The following ZBTB20 variants were observed in gnomAD, a reference collection of about 807,000 sequenced individuals.
ZBTB20 encodes the protein zinc finger and BTB domain-containing protein 20.
A neutral mutation model predicts 56.9 loss-of-function variants in ZBTB20; 9 were observed. The ratio of observed to expected loss-of-function variants is 0.16; its 90% CI spans 0.10 to 0.28. The LOEUF is 0.28. Among genes scored for constraint, ZBTB20 ranks in the 10% least tolerant of loss-of-function variants. The probability of loss-of-function intolerance (pLI) is 1.00; values close to 1 mark genes in which losing one functional copy is unlikely to be tolerated. For synonymous variants in ZBTB20, 417 were observed against 420.7 expected, an observed-to-expected ratio of 0.99 and a Z score of 0.11; for missense variants, 655 against 1,003.0, an observed-to-expected ratio of 0.65 and a Z score of 4.69.
chr3:114,823,399 T>C (rs2073357608), intron 4 of ZBTB20, among the ~76,000 whole-genome samples: 1 of 152,094 alleles, frequency 6.6e-6, no homozygotes, highest in Non-Finnish European at 1.5e-5. Context: ...GGGCATAATA[T>C]GAGCCAGGGA....
At chr3:114,656,890 A>G (rs1399189199) in intron 6 of ZBTB20, among the ~76,000 whole-genome samples, 1 of 152,136 alleles carries the variant, frequency 6.6e-6, no homozygotes, top group Non-Finnish European at 1.5e-5. Context: ...TGGGATTATA[A>G]GCATACGCCA....
intron 2 of ZBTB20, among the ~76,000 whole-genome samples, chr3:115,024,255 CTA>C (rs1210342975): frequency 6.6e-6 from 1 of 150,936 alleles, no homozygotes; most frequent in Non-Finnish European, 1.5e-5. Context: ...TGAATCCTAA[CTA>C]TTTTCCAGGA....
intron 6 of ZBTB20, among the ~76,000 whole-genome samples, chr3:114,637,032 TG>T (rs2059316773): frequency 1.3e-5 from 2 of 151,946 alleles, no homozygotes; most frequent in Admixed American, 1.3e-4. Flanking sequence ...CTAGTAAGAG[TG>T]GCTATTCTTA....
chr3:114,679,709 T>C (rs2061851606), intron 6 of ZBTB20, among the ~76,000 whole-genome samples: 1 of 152,148 alleles, frequency 6.6e-6, no homozygotes, highest in Non-Finnish European at 1.5e-5. Flanking sequence ...AGTTCAATGA[T>C]TGTGGAAGAT....
At chr3:114,632,263 C>T (rs2058999634) in intron 6 of ZBTB20, among the ~76,000 whole-genome samples, 1 of 152,144 alleles carries the variant, frequency 6.6e-6, no homozygotes, top group Non-Finnish European at 1.5e-5. Flanking sequence ...AGGTGGTTAT[C>T]CTTATGATTT....
chr3:114,434,971 T>C (rs993727211), intron 7 of ZBTB20, among the ~76,000 whole-genome samples: 1 of 152,142 alleles, frequency 6.6e-6, no homozygotes. Context: ...ATATGATCCA[T>C]TGTCTCACCA....
chr3:114,760,038 A>C (rs1707096155), intron 5 of ZBTB20, among the ~76,000 whole-genome samples: 1 of 152,198 alleles, frequency 6.6e-6, no homozygotes, highest in South Asian at 2.1e-4. Context: ...TCAAAGATTA[A>C]AAAATTTCCC....
chr3:114,839,502 A>G (rs557521825), intron 4 of ZBTB20, among the ~76,000 whole-genome samples: 2 of 152,278 alleles, frequency 1.3e-5, no homozygotes, highest in Non-Finnish European at 2.9e-5. Flanking sequence ...AGGGAGAGAG[A>G]AAGAAAGGAA....
At chr3:114,692,259 G>A (rs2062741531) in intron 6 of ZBTB20, among the ~76,000 whole-genome samples, 1 of 152,064 alleles carries the variant, frequency 6.6e-6, no homozygotes, top group Non-Finnish European at 1.5e-5. Flanking sequence ...TTCTTTTGGG[G>A]TAGCATAGCA....
At chr3:114,645,283 G>T (rs16823071) in intron 6 of ZBTB20, among the ~76,000 whole-genome samples, 2,543 of 152,094 alleles carry the variant, frequency 0.017, 65 homozygotes, top group African/African-American at 0.057. Flanking sequence ...ACTACCAACT[G>T]TTCTCAAACC....
intron 1 of ZBTB20, among the ~76,000 whole-genome samples, chr3:115,124,282 A>G (rs1025706479): frequency 3.3e-5 from 5 of 152,198 alleles, no homozygotes; most frequent in African/African-American, 1.2e-4. Context: ...TAGTATTCCA[A>G]TTGAATTAGT....
rs556536731 is a variant in ZBTB20, at chr3:114,575,597, A to T, written c.-294-75206T>A. ...AAGAACTACCTTTAAAAAATAAAAAAAAAAAAAATAGGAACTACTTCAAAA... is the reference window on the plus strand; with the variant it reads ...AAGAACTACCTTTAAAAAATAAAAATAAAAAAAATAGGAACTACTTCAAAA... On this transcript the variant is annotated intron_variant, in intron 6 of 11. Transcript: ENST00000675478. Among the ~76,000 whole-genome samples, 26 of 152,230 alleles carry T rather than the reference A, an allele frequency of 1.7e-4. No individual in the cohort carries two copies. In the South Asian group the frequency reaches 2.3e-3, roughly 13 times the overall value.
At chr3:114,656,603 T>C (rs2060418090) in intron 6 of ZBTB20, among the ~76,000 whole-genome samples, 1 of 152,180 alleles carries the variant, frequency 6.6e-6, no homozygotes, top group Non-Finnish European at 1.5e-5. Flanking sequence ...GACACTTTCT[T>C]CTGCCATCTA....
Position 114,963,922 on chromosome 3 carries a change from G to A in ZBTB20, c.-456+10444C>T, listed in dbSNP as rs77635834. 6.9e-4 allele frequency among the ~76,000 whole-genome samples: 105 copies of A among 152,202 alleles called. No individual in the cohort carries two copies. The East Asian group carries it at 0.017, about 25-fold the overall frequency. On this transcript the variant is annotated intron_variant, in intron 3 of 11. Transcript: ENST00000675478. ...GAAATTTAGTAAACAAATTTTTAAAGAACCCCTTTTTCCTATATTTTTGTT... is the reference window on the plus strand; with the variant it reads ...GAAATTTAGTAAACAAATTTTTAAAAAACCCCTTTTTCCTATATTTTTGTT...
Position 114,351,391 on chromosome 3 carries a change from C to A in ZBTB20, c.687G>T (p.Ser229=). ...GCTGTGGGTGGCTCTGCAGGTAGCC[C>A]GACTCCGTGTCGCTGCTCTGGCCTG... ...GTSGQSSDTE[S]GYLQSHPQHS... The change falls in exon 11 of 12, where the codon TCG becomes TCT. Residue 229 remains serine, a synonymous_variant. Coordinates refer to ENST00000675478, the MANE Select transcript of ZBTB20 (RefSeq NM_001348800.3). 1 of 1,612,064 alleles carries A rather than the reference C, an allele frequency of 6.2e-7. No individual in the cohort carries two copies. Among genetic ancestry groups the A allele is most frequent in the Non-Finnish European group, 8.5e-7 (1 of 1,179,854 alleles).
At chr3:114,534,754 A>G (rs1038340085) in intron 6 of ZBTB20, among the ~76,000 whole-genome samples, 1 of 152,218 alleles carries the variant, frequency 6.6e-6, no homozygotes, top group African/African-American at 2.4e-5. Context: ...ATCACTCCTC[A>G]GCAAATGTAA....
intron 4 of ZBTB20, among the ~76,000 whole-genome samples, chr3:114,811,159 C>T (rs186553270): frequency 3.0e-3 from 464 of 152,282 alleles, no homozygotes; most frequent in Non-Finnish European, 5.1e-3. Flanking sequence ...ACAATAATAG[C>T]TCAGAGATCT....
At chr3:115,051,012 T>C (rs1429274320) in intron 2 of ZBTB20, among the ~76,000 whole-genome samples, 1 of 152,120 alleles carries the variant, frequency 6.6e-6, no homozygotes, top group African/African-American at 2.4e-5. Flanking sequence ...TCAATTCCTA[T>C]ACTCAGAAAT....
chr3:114,418,243 G>A (rs551064854), intron 7 of ZBTB20, among the ~76,000 whole-genome samples: 16 of 152,132 alleles, frequency 1.1e-4, no homozygotes, highest in African/African-American at 3.6e-4. Context: ...GATGCCCTTT[G>A]AATTTCAATA....
Sources: allele counts gnomAD v4.1 joint callset (sites outside exome capture counted in the v4.1 genomes callset), GRCh38; gene constraint gnomAD v4.1.1; transcripts MANE v1.5; gene names NCBI Gene and HGNC (gene_info 2026-07-23, HGNC 2026-07-21).